The following CDH3 variants were observed in gnomAD, a reference collection of about 807,000 sequenced individuals.
CDH3 encodes the protein cadherin 3.
A neutral mutation model predicts 82.0 loss-of-function variants in CDH3; 54 were observed. The observed-to-expected ratio is 0.66, with a 90% CI of 0.53 to 0.83. CDH3 has a LOEUF of 0.83. Ranked by LOEUF, CDH3 falls within the 40% of genes least tolerant of loss-of-function variation. The probability of loss-of-function intolerance (pLI) is 0.00; values close to 1 mark genes in which losing one functional copy is unlikely to be tolerated. For synonymous variants in CDH3, 446 were observed against 437.9 expected, an observed-to-expected ratio of 1.02 and a Z score of -0.23; for missense variants, 1,054 against 1,084.6, an observed-to-expected ratio of 0.97 and a Z score of 0.40.
intron 2 of CDH3, among the ~76,000 whole-genome samples, chr16:68,672,475 G>A (rs897807933): frequency 2.0e-5 from 3 of 152,032 alleles, no homozygotes; most frequent in Admixed American, 1.3e-4. Flanking sequence ...CCACATTATC[G>A]TTCCTGGTCC....
downstream of CDH3, among the ~76,000 whole-genome samples, chr16:68,731,865 A>G (rs1250194338): frequency 6.6e-6 from 1 of 152,046 alleles, no homozygotes; most frequent in African/African-American, 2.4e-5. Context: ...AAATTCTGCA[A>G]AGACAAAAAT....
At chr16:68,677,162 G>C (rs1408947266) in intron 3 of CDH3, among the ~76,000 whole-genome samples, 1 of 152,106 alleles carries the variant, frequency 6.6e-6, no homozygotes, top group Non-Finnish European at 1.5e-5. Context: ...CAAAAGCTAA[G>C]ATGCTGTTCA....
At chr16:68,666,000 G>T (rs1421761640) in intron 2 of CDH3, among the ~76,000 whole-genome samples, 1 of 152,104 alleles carries the variant, frequency 6.6e-6, no homozygotes, top group African/African-American at 2.4e-5. Flanking sequence ...CCACCCATAC[G>T]GGACCTTTGT....
downstream of CDH3, among the ~76,000 whole-genome samples, chr16:68,701,089 T>C (rs1961887218): frequency 6.6e-6 from 1 of 152,122 alleles, no homozygotes; most frequent in South Asian, 2.1e-4. Flanking sequence ...AGAAACTCTA[T>C]CTTCAGCAGA....
intron 1 of CDH3, among the ~76,000 whole-genome samples, chr16:68,718,364 G>C (rs1962118240): frequency 6.6e-6 from 1 of 151,988 alleles, no homozygotes; most frequent in Non-Finnish European, 1.5e-5. Flanking sequence ...ACGTAAAACA[G>C]ACTAAGACAG....
chr16:68,653,246 A>T (rs113578906), intron 2 of CDH3, among the ~76,000 whole-genome samples: 1,419 of 135,978 alleles, frequency 0.01, 16 homozygotes, highest in African/African-American at 0.035. Context: ...ATTTTATTTT[A>T]TTTTATTTTT....
chr16:68,684,445 C>A, intron 9 of CDH3, 138 bp from the exon 10 acceptor site: 2 of 970,940 alleles, frequency 2.1e-6, no homozygotes, highest in Non-Finnish European at 3.3e-6. Flanking sequence ...GTTTATGTTA[C>A]AGAGAAAGGG....
intron 2 of CDH3, chr16:68,722,688 G>A (rs1455929386): frequency 6.6e-6 from 1 of 152,214 alleles, no homozygotes; most frequent in Non-Finnish European, 1.5e-5. Context: ...TACACCCCCA[G>A]AGACCCAGGA....
chr16:68,730,078 CA>C (rs1319334878), downstream of CDH3, among the ~76,000 whole-genome samples: 6 of 151,664 alleles, frequency 4.0e-5, no homozygotes. Context: ...ACTAAAAATA[CA>C]AAAATTAGCT....
chr16:68,723,313 TA>T (rs1962184381), intron 2 of CDH3, among the ~76,000 whole-genome samples: 1 of 152,284 alleles, frequency 6.6e-6, no homozygotes, highest in East Asian at 1.9e-4. Context: ...TCTATAGCTA[TA>T]ATTAAATCTT....
intron 2 of CDH3, among the ~76,000 whole-genome samples, chr16:68,724,530 C>A (rs1195204331): frequency 6.6e-6 from 1 of 151,552 alleles, no homozygotes; most frequent in East Asian, 1.9e-4. Context: ...GGGAGGCTGA[C>A]GCAGGAGAAT....
rs1343616475 is a variant in CDH3 at position 68,695,379 on chromosome 16, G to A, written c.2127G>A (p.Glu709=). 1.2e-6 allele frequency: 2 copies of A among 1,610,234 alleles called. No individual in the cohort carries two copies. Among genetic ancestry groups the A allele is most frequent in the Non-Finnish European group, 1.7e-6 (2 of 1,178,348 alleles). Residue 709 remains glutamate, a synonymous_variant, in exon 14 of 16, where the codon GAG becomes GAA. Transcript: ENST00000264012. ...ATGGCGAAGAGGGGGGTGGCGAAGA[G>A]GACCAGGTGGGGCACTGGGGGCTCT... ...FYYGEEGGGE[E]DQDYDITQLH...
intron 2 of CDH3, among the ~76,000 whole-genome samples, chr16:68,652,705 C>T (rs1960282479): frequency 6.6e-6 from 1 of 152,126 alleles, no homozygotes; most frequent in Non-Finnish European, 1.5e-5. Flanking sequence ...GCCTTGGATG[C>T]CCCCTCCCTC....
Position 68,645,900 on chromosome 16 carries a change from T to C in CDH3, c.160+150T>C, listed in dbSNP as rs1370203395. 6.3e-6 allele frequency: 4 copies of C among 631,168 alleles called. No homozygotes were observed. The East Asian group carries it at 1.1e-4, about 17-fold the overall frequency. 39.1% of individuals were successfully genotyped at this position (631,168 alleles called of 1,614,324 possible). On this transcript the variant is annotated intron_variant, in intron 2 of 15. Coordinates refer to ENST00000264012, the MANE Select transcript of CDH3 (RefSeq NM_001793.6). The stretch of plus-strand genomic sequence containing the variant: ...CAGAACGCGCCTCGGGGGCTGGGAT[T>C]GGGGGTGGTGGCTGACGGAGAAGGC...
At chr16:68,719,275 A>C (rs1962133335) in intron 1 of CDH3, among the ~76,000 whole-genome samples, 1 of 151,850 alleles carries the variant, frequency 6.6e-6, no homozygotes, top group Non-Finnish European at 1.5e-5. Context: ...AAGATAAAAA[A>C]CGAACTATGA....
Position 68,683,577 on chromosome 16 carries a change from G to A in CDH3, c.1183-1006G>A, listed in dbSNP as rs574468246. Among the ~76,000 whole-genome samples the A allele has an allele frequency of 5.4e-5, 8 of 148,786 alleles. No homozygotes were observed. In the South Asian group the frequency reaches 8.7e-4, roughly 16 times the overall value. On this transcript the variant is annotated intron_variant, in intron 9 of 15. Coordinates refer to ENST00000264012, the MANE Select transcript of CDH3 (RefSeq NM_001793.6). ...TGAGGCAGGAGAATGGCGTGAACCCGGGAGGTGGAGCTTGCAGTGAGCCGA... is the reference window on the plus strand; with the variant it reads ...TGAGGCAGGAGAATGGCGTGAACCCAGGAGGTGGAGCTTGCAGTGAGCCGA...
At chr16:68,731,522 A>C (rs1200374237), downstream of CDH3, among the ~76,000 whole-genome samples, 2 of 56,518 alleles carry the variant, frequency 3.5e-5, no homozygotes, top group East Asian at 5.2e-4. Context: ...ATATACACAC[A>C]CACACACACA....
intron 2 of CDH3, among the ~76,000 whole-genome samples, chr16:68,665,999 C>T (rs560496993): frequency 1.3e-4 from 20 of 152,114 alleles, no homozygotes; most frequent in African/African-American, 4.6e-4. Flanking sequence ...ACCACCCATA[C>T]GGGACCTTTG....
In CDH3 at chr16:68,707,401, G is replaced by A. The variant is rs1222752898; in HGVS notation, c.99+11478G>A. The stretch of plus-strand genomic sequence containing the variant: ...AAAAGGCCTGACTCAGCTCCATCCC[G>A]GGGCTGGCAGAACCTGGTTCCTCCT... On this transcript the variant is annotated intron_variant, in intron 1 of 2. Transcript: ENST00000569080. This position sits in a 1 kb window ranked among gnomAD's most constrained non-coding sequence, Gnocchi z 4.5. 6.6e-6 allele frequency among the ~76,000 whole-genome samples: 1 copy of A among 152,212 alleles called. No homozygotes were observed. Among genetic ancestry groups the A allele is most frequent in the Non-Finnish European group, 1.5e-5 (1 of 68,032 alleles).
Sources: gnomAD v4.1 joint callset for allele counts (sites outside exome capture counted in the v4.1 genomes callset) on GRCh38, gnomAD v4.1.1 for gene constraint, Gnocchi (gnomAD v3.1) non-coding constraint, MANE v1.5 for transcripts, NCBI Gene and HGNC (gene_info 2026-07-23, HGNC 2026-07-21) for gene names.